AP5Z1: variants seen among roughly 807,000 people sequenced by gnomAD.
AP5Z1 encodes adaptor related protein complex 5 subunit zeta 1.
In AP5Z1, 106 loss-of-function variants were observed where a neutral mutation model predicts 83.0. The ratio of observed to expected loss-of-function variants is 1.28; its 90% CI spans 1.09 to 1.50. The LOEUF is 1.50. Ranked by LOEUF, AP5Z1 falls within the 40% of genes most tolerant of loss-of-function variation. The pLI, the probability that AP5Z1 is intolerant of heterozygous loss-of-function variation, is 0.00. For synonymous variants in AP5Z1, 751 were observed against 514.1 expected (o/e 1.46, Z -6.23); for missense variants, 1,565 against 1,094.2 (o/e 1.43, Z -6.07).
rs371656312 is a variant in AP5Z1 at position 4,779,518 on chromosome 7, G to C, written c.42-1657G>C. ...AAGTAGAGTCTTACTCTGTCACCCA[G>C]GCTGGAGTGCAGTGGCACAATCTCA... On this transcript the variant is annotated intron_variant, in intron 1 of 16. Coordinates refer to ENST00000649063, the MANE Select transcript of AP5Z1 (RefSeq NM_014855.3). Among the ~76,000 whole-genome samples the C allele has an allele frequency of 1.5e-3, 221 of 149,988 alleles. 2 individuals are homozygous for C. Among genetic ancestry groups the C allele is most frequent in the African/African-American group, 4.7e-3 (194 of 40,976 alleles).
At chr7:4,776,509 G>T (rs886695197) in intron 1 of AP5Z1, among the ~76,000 whole-genome samples, 1 of 149,908 alleles carries the variant, frequency 6.7e-6, no homozygotes, top group Non-Finnish European at 1.5e-5. Context: ...CTGAGGTCAG[G>T]AGTTCGAGAC....
intron 12 of AP5Z1, 181 bp from the exon 13 acceptor site, chr7:4,788,659 G>C (rs1583238107): frequency 1.7e-6 from 1 of 577,642 alleles, no homozygotes; most frequent in Non-Finnish European, 3.0e-6. Flanking sequence ...TGGCTTTACT[G>C]TCCCGGGTGT....
Position 4,792,514 on chromosome 7 carries a change from C to G in AP5Z1, c.*1129C>G, listed in dbSNP as rs973590327. The G allele has an allele frequency of 7.2e-5, 11 of 152,300 alleles. No individual in the cohort carries two copies. Among genetic ancestry groups the G allele is most frequent in the Non-Finnish European group, 1.6e-4 (11 of 68,116 alleles). 9.4% of individuals were successfully genotyped at this position (152,300 alleles called of 1,614,324 possible). A position where few individuals can be genotyped will look rare whatever the true frequency, so the allele number is the denominator to read the frequency against. On this transcript the variant is annotated 3_prime_UTR_variant, in exon 17 of 17. Coordinates refer to ENST00000649063, the MANE Select transcript of AP5Z1 (RefSeq NM_014855.3). ...GCGCAAGGAACGGAGCAGGGGACAC[C>G]GTGCGGGCTCAGGAGCTCCCCAGAT...
At position 4,793,997 on chromosome 7, in the gene AP5Z1, G is replaced by A. The variant is rs1001654241; in HGVS notation, c.*2612G>A. ...GGAGAACCTTTATGTCTAGCTAAGG[G>A]ATTGTAAATAAACCAATTGGCACTC... On this transcript the variant is annotated 3_prime_UTR_variant, in exon 17 of 17. Coordinates refer to ENST00000649063, the MANE Select transcript of AP5Z1 (RefSeq NM_014855.3). 1 of 152,392 alleles carries A rather than the reference G, an allele frequency of 6.6e-6. No homozygotes were observed. Among genetic ancestry groups the A allele is most frequent in the African/African-American group, 2.4e-5 (1 of 41,446 alleles). The allele number at this position is 152,392 out of a possible 1,614,324, so 9.4% of individuals were successfully genotyped here. A position where few individuals can be genotyped will look rare whatever the true frequency, so the allele number is the denominator to read the frequency against.
At position 4,794,234 on chromosome 7, in the gene AP5Z1, G is replaced by A. The variant is rs149076549; in HGVS notation, c.*2849G>A. The A allele has an allele frequency of 6.6e-6, 1 of 152,214 alleles. No individual in the cohort carries two copies. Among genetic ancestry groups the A allele is most frequent in the Non-Finnish European group, 1.5e-5 (1 of 68,082 alleles). The allele number at this position is 152,214 out of a possible 1,614,324, so 9.4% of individuals were successfully genotyped here. A position where few individuals can be genotyped will look rare whatever the true frequency, so the allele number is the denominator to read the frequency against. ...TTGTAAACGCACCAATCAGCACCCT[G>A]TCAAAACAGACCACTCGGCTCTACC... On this transcript the variant is annotated 3_prime_UTR_variant, in exon 17 of 17. Transcript: ENST00000649063.
Position 4,791,082 on chromosome 7 carries a change from T to G in AP5Z1, c.2154-33T>G, listed in dbSNP as rs766982747. ...AGACCCCTGTCCTGGGAGGGGAGCA[T>G]CTGCAGCTGACGGAGGGACCTTCTT... On this transcript the variant is annotated intron_variant, in intron 16 of 16. Transcript: ENST00000649063. 1.5e-5 allele frequency: 23 copies of G among 1,536,860 alleles called. No individual in the cohort carries two copies. The African/African-American group carries it at 2.9e-4, about 19-fold the overall frequency.
Position 4,791,733 on chromosome 7 carries a change from TA to T in AP5Z1, c.*352del, listed in dbSNP as rs1781782088. On this transcript the variant is annotated 3_prime_UTR_variant, in exon 17 of 17. Transcript: ENST00000649063. ...AGTTGATGGGCAAGAAGAGCTGCAG[TA>T]AAAGTAAATCTCCTTTAATAAGCGT... The T allele has an allele frequency of 1.1e-5, 4 of 357,772 alleles. No individual in the cohort carries two copies. 22.2% of individuals were successfully genotyped at this position (357,772 alleles called of 1,614,324 possible).
At chr7:4,779,367 G>A (rs1371107699) in intron 1 of AP5Z1, among the ~76,000 whole-genome samples, 7 of 139,534 alleles carry the variant, frequency 5.0e-5, no homozygotes, top group Admixed American at 1.4e-4. Context: ...ATATCATAAC[G>A]TGTTATATGT....
intron 1 of AP5Z1, among the ~76,000 whole-genome samples, chr7:4,778,046 C>T (rs985370050): frequency 6.6e-6 from 1 of 152,136 alleles, no homozygotes; most frequent in South Asian, 2.1e-4. Flanking sequence ...TAGCGAGACC[C>T]GTCTCTACAA....
rs949616616 is a variant in AP5Z1, at chr7:4,793,537, C to G, written c.*2152C>G. 1.3e-5 allele frequency: 2 copies of G among 152,682 alleles called. No homozygotes were observed. The highest frequency in any genetic ancestry group is 2.9e-5 in the Non-Finnish European group (2 of 68,394). The allele number at this position is 152,682 out of a possible 1,614,324, so 9.5% of individuals were successfully genotyped here. ...TTGCGGGGAGGTGTGGAGGGAGAGG[C>G]GCGGTGGGAACCAGGGCTGCACGCG... is the stretch of plus-strand genomic sequence containing the variant. On this transcript the variant is annotated 3_prime_UTR_variant, in exon 17 of 17. Transcript: ENST00000649063.
chr7:4,790,653 ATC>A lies in AP5Z1; in HGVS notation c.1939-16_1939-15del, dbSNP rs1292769336. Reference sequence around the variant, plus strand: ...CCCAGGAGGCCTGGGTGGGGGCTGAATCTCTGTCCCCGGGCCTAGGTGTGGGC... The same window carrying A: ...CCCAGGAGGCCTGGGTGGGGGCTGAATCTGTCCCCGGGCCTAGGTGTGGGC... On this transcript the variant is annotated intron_variant, in intron 15 of 16. Transcript: ENST00000649063. The A allele has an allele frequency of 1.2e-6, 2 of 1,612,122 alleles. No individual in the cohort carries two copies. Among genetic ancestry groups the A allele is most frequent in the Admixed American group, 1.7e-5 (1 of 59,980 alleles).
At chr7:4,790,958 T>G in intron 16 of AP5Z1, 71 bp downstream of exon 16, 3 of 1,494,746 alleles carry the variant, frequency 2.0e-6, no homozygotes, top group Non-Finnish European at 2.7e-6. Context: ...GGTCTTCCCA[T>G]CCAGGTGTTG....
At position 4,791,323 on chromosome 7, in the gene AP5Z1, CCCCTGG is replaced by C. The variant is rs754694053; in HGVS notation, c.2368_2373del (p.Ala790_Leu791del). On this transcript the variant is annotated inframe_deletion, in exon 17 of 17. Coordinates refer to ENST00000649063, the MANE Select transcript of AP5Z1 (RefSeq NM_014855.3). ...TCACCGCGATGCCAACACGGCCCTG[CCCCTGG>C]CCCTGCGCACGGTCAGCCGGCTGGT... The C allele has an allele frequency of 5.5e-5, 88 of 1,610,368 alleles. No individual in the cohort carries two copies. The highest frequency in any genetic ancestry group is 4.0e-4 in the South Asian group (36 of 90,802).
chr7:4,786,608 G>A (rs1750146422), intron 10 of AP5Z1, among the ~76,000 whole-genome samples, 180 bp downstream of exon 10: 1 of 152,140 alleles, frequency 6.6e-6, no homozygotes, highest in South Asian at 2.1e-4. Flanking sequence ...AGCGTCACGT[G>A]ATTGACGGTG....
intron 3 of AP5Z1, 117 bp downstream of exon 3, chr7:4,781,871 G>T: frequency 8.2e-7 from 1 of 1,216,140 alleles, no homozygotes; most frequent in Non-Finnish European, 1.1e-6. Flanking sequence ...GACGCATCTC[G>T]GTGCTGAGTG....
rs192441133 is a variant in AP5Z1, at chr7:4,785,614, C to T, written c.1062C>T (p.His354=). The change falls in exon 9 of 17, where the codon CAC becomes CAT. Residue 354 remains histidine, a synonymous_variant. Transcript: ENST00000649063. ...GTCTCTCCTGCCTGAAGGCCCTGCACGGGCGGGTGCGCGGGGACCCGGCCT... is the reference window on the plus strand; with the variant it reads ...GTCTCTCCTGCCTGAAGGCCCTGCATGGGCGGGTGCGCGGGGACCCGGCCT... The part of the protein sequence containing the change: ...YRSLSCLKAL[H]GRVRGDPASV... The T allele has an allele frequency of 1.1e-3, 1,797 of 1,583,996 alleles. 4 individuals carry two copies. The highest frequency in any genetic ancestry group is 1.4e-3 in the Non-Finnish European group (1,594 of 1,168,002).
At chr7:4,789,004 C>T in intron 13 of AP5Z1, 53 bp downstream of exon 13, 1 of 1,490,090 alleles carries the variant, frequency 6.7e-7, no homozygotes, top group Non-Finnish European at 9.2e-7. Context: ...AACTGAGGGG[C>T]AGGCCAGAGC....
chr7:4,788,778 C>T (rs1781644762), intron 12 of AP5Z1, 62 bp from the exon 13 acceptor site: 1 of 1,413,928 alleles, frequency 7.1e-7, no homozygotes, highest in South Asian at 1.4e-5. Flanking sequence ...GGCGACGTGG[C>T]CCCGGCCTGC....
At chr7:4,777,357 AT>A (rs959740959) in intron 1 of AP5Z1, among the ~76,000 whole-genome samples, 1 of 138,236 alleles carries the variant, frequency 7.2e-6, no homozygotes, top group African/African-American at 2.5e-5. Context: ...AGCCCTCTTT[AT>A]TTATTTATTT....
Sources: allele counts gnomAD v4.1 joint callset (sites outside exome capture counted in the v4.1 genomes callset), GRCh38; gene constraint gnomAD v4.1.1; transcripts MANE v1.5; gene names NCBI Gene and HGNC (gene_info 2026-07-23, HGNC 2026-07-21).